The following TRPM1 variants were observed in gnomAD, a reference collection of about 807,000 sequenced individuals.
TRPM1 encodes the protein transient receptor potential cation channel subfamily M member 1.
Under a neutral mutation model 149.4 loss-of-function variants are expected in TRPM1, and 113 were observed. The ratio of observed to expected loss-of-function variants is 0.76; its 90% confidence interval spans 0.65 to 0.88. The LOEUF (loss-of-function observed/expected upper bound fraction) is 0.88. TRPM1 is among the 40% of genes least tolerant of loss of function. TRPM1 has a pLI of 0.00. For missense variants in TRPM1, 1,976 were observed against 2,038.7 expected, an observed-to-expected ratio of 0.97 and a Z score of 0.59; for synonymous variants, 741 against 759.5, an observed-to-expected ratio of 0.98 and a Z score of 0.40.
chr15:31,145,073 C>T (rs2036207944), intron 1 of TRPM1, among the ~76,000 whole-genome samples: 1 of 152,130 alleles, frequency 6.6e-6, no homozygotes, highest in Non-Finnish European at 1.5e-5. Flanking sequence ...ATTCTAACTT[C>T]TTCTAATTTT....
chr15:31,080,637 C>T (rs1450161259), intron 2 of TRPM1, among the ~76,000 whole-genome samples: 2 of 140,222 alleles, frequency 1.4e-5, no homozygotes, highest in East Asian at 2.2e-4. Flanking sequence ...CAAGTCCGCC[C>T]CCATCGTCCT....
At position 31,066,216 on chromosome 15, in the gene TRPM1, G is replaced by T. The variant is rs1295045032; in HGVS notation, c.650C>A (p.Pro217His). The part of the protein sequence containing the change: ...VTRVYQTMSN[P>H]LSKLSVLNNS... Reference sequence around the variant, plus strand: ...GTTGAGCACAGAGAGCTTACTTAGAGGGTTGGACATGGTCTGGTACACTCT... The same window carrying T: ...GTTGAGCACAGAGAGCTTACTTAGATGGTTGGACATGGTCTGGTACACTCT... The change falls in exon 7 of 28, where the codon CCT becomes CAT. Residue 217 changes from proline (P) to histidine (H), a missense_variant. Coordinates refer to ENST00000256552, the MANE Select transcript of TRPM1 (RefSeq NM_001252024.2). The T allele has an allele frequency of 6.2e-7, 1 of 1,614,040 alleles. No homozygotes were observed. Among genetic ancestry groups the T allele is most frequent in the African/African-American group, 1.3e-5 (1 of 74,902 alleles).
intron 27 of TRPM1, among the ~76,000 whole-genome samples, chr15:31,018,415 C>T (rs1260998240): frequency 1.3e-5 from 2 of 151,846 alleles, no homozygotes; most frequent in Non-Finnish European, 2.9e-5. Flanking sequence ...CTTTTGTTGC[C>T]CAGGCTGGAG....
intron 3 of TRPM1, among the ~76,000 whole-genome samples, chr15:31,071,901 T>G (rs1596039413): frequency 6.8e-6 from 1 of 147,472 alleles, no homozygotes; most frequent in East Asian, 2.0e-4. Context: ...GAGGCAGAGG[T>G]TGCAATGAGC....
At chr15:31,072,026 G>A (rs1388153809) in intron 3 of TRPM1, among the ~76,000 whole-genome samples, 1 of 103,922 alleles carries the variant, frequency 9.6e-6, no homozygotes, top group Non-Finnish European at 2.2e-5. Flanking sequence ...TATAGAGAGA[G>A]AGAGAGAGAG....
chr15:31,043,341 C>T (rs2033674875), intron 16 of TRPM1, among the ~76,000 whole-genome samples: 1 of 152,214 alleles, frequency 6.6e-6, no homozygotes, highest in East Asian at 1.9e-4. Context: ...TACAGGTGCC[C>T]GCCACCACGC....
intron 1 of TRPM1, among the ~76,000 whole-genome samples, chr15:31,112,903 C>A (rs1485738172): frequency 6.6e-6 from 1 of 152,182 alleles, no homozygotes; most frequent in Non-Finnish European, 1.5e-5. Context: ...CCCATAGGAT[C>A]TTTTTTCTTC....
chr15:31,145,005 C>T (rs1180813901), intron 1 of TRPM1, among the ~76,000 whole-genome samples: 1 of 152,110 alleles, frequency 6.6e-6, no homozygotes, highest in Non-Finnish European at 1.5e-5. Flanking sequence ...CGTGAGCCAC[C>T]GCACCCAGCC....
chr15:31,050,134 A>G (rs1323675447), intron 12 of TRPM1, among the ~76,000 whole-genome samples: 2 of 152,262 alleles, frequency 1.3e-5, no homozygotes, highest in Non-Finnish European at 2.9e-5. Flanking sequence ...CATGTCTGCC[A>G]GGTACAGAAC....
At chr15:31,042,353 T>G in intron 16 of TRPM1, 110 bp from the exon 17 acceptor site, 18 of 1,118,830 alleles carry the variant, frequency 1.6e-5, no homozygotes, top group South Asian at 8.3e-5. Context: ...TAAAGAGACT[T>G]CTGAAGTACA....
chr15:31,025,955 T>A (rs914431983), intron 27 of TRPM1, among the ~76,000 whole-genome samples, 184 bp downstream of exon 27: 1 of 152,250 alleles, frequency 6.6e-6, no homozygotes, highest in South Asian at 2.1e-4. Context: ...CTATATCCAA[T>A]GCACAGTTAT....
chr15:31,134,458 G>A (rs1473542248), intron 1 of TRPM1, among the ~76,000 whole-genome samples: 7 of 152,136 alleles, frequency 4.6e-5, no homozygotes, highest in Non-Finnish European at 4.4e-5. Context: ...AATCTATAAA[G>A]GAAATCTCCA....
intron 1 of TRPM1, among the ~76,000 whole-genome samples, chr15:31,132,999 T>G (rs2036037560): frequency 6.6e-6 from 1 of 152,232 alleles, no homozygotes; most frequent in Admixed American, 6.5e-5. Context: ...AGGGATGTCT[T>G]TATTAGCAGC....
chr15:31,049,564 G>C (rs907932136), intron 12 of TRPM1, 55 bp from the exon 13 acceptor site: 2 of 1,605,646 alleles, frequency 1.2e-6, no homozygotes, highest in Admixed American at 1.7e-5. Flanking sequence ...ACACAGGGGA[G>C]GGGGGCGACT....
Position 31,081,350 on chromosome 15 carries a change from A to C in TRPM1, c.3+3T>G, listed in dbSNP as rs543134062. ...GGTGGAAGTGCTTTACTTAGGTATT[A>C]ACCATGAGTTTTCAAAAAGTTGATA... On this transcript the variant is annotated splice_donor_region_variant and intron_variant, in intron 2 of 27. Transcript: ENST00000256552. 6.6e-7 allele frequency: 1 copy of C among 1,520,052 alleles called. No homozygotes were observed. Among genetic ancestry groups the C allele is most frequent in the East Asian group, 2.4e-5 (1 of 40,820 alleles). 94.2% of individuals were successfully genotyped at this position (1,520,052 alleles called of 1,614,324 possible).
intron 1 of TRPM1, among the ~76,000 whole-genome samples, chr15:31,158,679 A>G (rs1219080969): frequency 6.6e-6 from 1 of 151,386 alleles, no homozygotes; most frequent in Non-Finnish European, 1.5e-5. Flanking sequence ...CAGAACAGCT[A>G]CTCCATAGAC....
At position 31,067,874 on chromosome 15, in the gene TRPM1, C is replaced by T; in HGVS notation, c.493+5G>A. On this transcript the variant is annotated splice_donor_5th_base_variant and intron_variant, in intron 5 of 27. Transcript: ENST00000256552. Reference sequence around the variant, plus strand: ...ATTATCGGGAGGGAAAGGGCCTGCTCTTACCTGTGCTGACACCCCCGGTGA... The same window carrying T: ...ATTATCGGGAGGGAAAGGGCCTGCTTTTACCTGTGCTGACACCCCCGGTGA... 1.2e-6 allele frequency: 2 copies of T among 1,612,458 alleles called. No individual in the cohort carries two copies. The highest frequency in any genetic ancestry group is 1.3e-5 in the African/African-American group (1 of 74,972).
intron 1 of TRPM1, among the ~76,000 whole-genome samples, chr15:31,124,848 G>T (rs1416959844): frequency 1.3e-5 from 2 of 152,100 alleles, no homozygotes; most frequent in African/African-American, 4.8e-5. Context: ...ATATGGTAAT[G>T]GTGGGTGGAT....
intron 1 of TRPM1, among the ~76,000 whole-genome samples, chr15:31,125,710 AC>A (rs2035939941): frequency 8.6e-6 from 1 of 115,790 alleles, no homozygotes; most frequent in African/African-American, 3.4e-5. Flanking sequence ...AGCCTGGGCG[AC>A]AGAGCGAGAC....
Sources: gnomAD v4.1 joint callset for allele counts (sites outside exome capture counted in the v4.1 genomes callset) on GRCh38, gnomAD v4.1.1 for gene constraint, MANE v1.5 for transcripts, NCBI Gene and HGNC (gene_info 2026-07-23, HGNC 2026-07-21) for gene names.